The following RIPOR3 variants were observed in gnomAD, a reference collection of about 807,000 sequenced individuals.
The protein encoded by RIPOR3 is family with sequence similarity 65 member C.
RIPOR3 carries 95 observed loss-of-function variants against 114.3 expected under a neutral mutation model. The ratio of observed to expected loss-of-function variants is 0.83; its 90% confidence interval spans 0.70 to 0.99. The LOEUF is 0.99. Ranked by LOEUF, RIPOR3 falls within the 50% of genes least tolerant of loss-of-function variation. The pLI is 0.00. For missense variants in RIPOR3, 1,252 were observed against 1,266.9 expected (o/e 0.99, Z 0.18); for synonymous variants, 575 against 543.8 (o/e 1.06, Z -0.80).
At chr20:50,610,793 T>C in intron 6 of RIPOR3, 60 bp downstream of exon 6, 1 of 1,611,134 alleles carries the variant, frequency 6.2e-7, no homozygotes. Context: ...CTAACCTAGC[T>C]GAGGCCCAGC....
In RIPOR3 at chr20:50,636,559, CAG is replaced by C. The variant is rs1340122909; in HGVS notation, c.4-5705_4-5704del. On this transcript the variant is annotated intron_variant, in intron 1 of 21. Transcript: ENST00000327979. ...GGCCCCAGGGCAGAGAAGGGAGGCA[CAG>C]AGTCATGCAGTTCCCAAACCTTTGG... The C allele has an allele frequency of 1.7e-5, 17 of 985,524 alleles. No homozygotes were observed. In the African/African-American group the frequency reaches 2.8e-4, roughly 16 times the overall value. 61.0% of individuals were successfully genotyped at this position (985,524 alleles called of 1,614,324 possible).
At chr20:50,592,160 T>C (rs978902536) in intron 19 of RIPOR3, among the ~76,000 whole-genome samples, 184 bp downstream of exon 19, 1 of 152,222 alleles carries the variant, frequency 6.6e-6, no homozygotes, top group African/African-American at 2.4e-5. Flanking sequence ...AACAGATGTG[T>C]TGCTTTGGAA....
In RIPOR3 at chr20:50,587,042, T is replaced by C; in HGVS notation, c.*190A>G. 1 of 584,286 alleles carries C rather than the reference T, an allele frequency of 1.7e-6. No individual in the cohort carries two copies. The highest frequency in any genetic ancestry group is 3.1e-6 in the Non-Finnish European group (1 of 327,530). 36.2% of individuals were successfully genotyped at this position (584,286 alleles called of 1,614,324 possible). A position where few individuals can be genotyped will look rare whatever the true frequency, so the allele number is the denominator to read the frequency against. On this transcript the variant is annotated 3_prime_UTR_variant, in exon 22 of 22. Coordinates refer to ENST00000327979, the MANE Select transcript of RIPOR3 (RefSeq NM_001290268.2). ...GAATGCTGTACCTTTGCCTTGCTTTTTTCTGCCTCTGTACAAAAGACCAGC... is the reference window on the plus strand; with the variant it reads ...GAATGCTGTACCTTTGCCTTGCTTTCTTCTGCCTCTGTACAAAAGACCAGC...
rs2083864981 is a variant in RIPOR3 at position 50,609,468 on chromosome 20, C to A, written c.576+105G>T. 7 of 1,477,654 alleles carry A rather than the reference C, an allele frequency of 4.7e-6. No individual in the cohort carries two copies. The South Asian group carries it at 8.1e-5, about 17-fold the overall frequency. 91.5% of individuals were successfully genotyped at this position (1,477,654 alleles called of 1,614,324 possible). A position where few individuals can be genotyped will look rare whatever the true frequency, so the allele number is the denominator to read the frequency against. ...CAGGCAGAGAGACGCCTCCTTGGGGCCCAGAACACCTCCTCCAGCCCCCAC... is the reference window on the plus strand; with the variant it reads ...CAGGCAGAGAGACGCCTCCTTGGGGACCAGAACACCTCCTCCAGCCCCCAC... On this transcript the variant is annotated intron_variant, in intron 7 of 21. Transcript: ENST00000327979.
At chr20:50,670,379 C>A (rs975833656) in intron 1 of RIPOR3, among the ~76,000 whole-genome samples, 3 of 138,550 alleles carry the variant, frequency 2.2e-5, no homozygotes, top group Middle Eastern at 3.3e-3. Flanking sequence ...CCCCACCCAC[C>A]CACCCAGTGC....
chr20:50,687,575 C>CCA (rs2087071535), intron 1 of RIPOR3, among the ~76,000 whole-genome samples: 1 of 152,138 alleles, frequency 6.6e-6, no homozygotes, highest in South Asian at 2.1e-4. Context: ...ATTTGCATAT[C>CCA]CACACACACA....
chr20:50,588,494 C>T (rs1292564462), intron 20 of RIPOR3, among the ~76,000 whole-genome samples: 3 of 152,176 alleles, frequency 2.0e-5, no homozygotes, highest in Non-Finnish European at 4.4e-5. Context: ...AGCGGGCATC[C>T]CCTCACATCC....
intron 1 of RIPOR3, among the ~76,000 whole-genome samples, chr20:50,681,941 C>T (rs2123611473): frequency 6.6e-6 from 1 of 152,336 alleles, no homozygotes; most frequent in East Asian, 1.9e-4. Context: ...CAGTCAAGAT[C>T]TAGGGCAAAT....
intron 3 of RIPOR3, among the ~76,000 whole-genome samples, chr20:50,618,471 G>A (rs980078798): frequency 1.9e-4 from 29 of 152,078 alleles, no homozygotes; most frequent in African/African-American, 6.5e-4. Context: ...CTGCGCCCCA[G>A]GGCCTTTGTG....
At chr20:50,611,258 C>T (rs2083968932) in intron 4 of RIPOR3, 54 bp from the exon 5 acceptor site, 4 of 1,612,916 alleles carry the variant, frequency 2.5e-6, no homozygotes, top group Non-Finnish European at 3.4e-6. Context: ...ACATGTTCCT[C>T]CAAGGCCTAT....
At position 50,596,231 on chromosome 20, in the gene RIPOR3, A is replaced by G; in HGVS notation, c.1823T>C (p.Leu608Pro). 2.5e-6 allele frequency: 4 copies of G among 1,614,176 alleles called. No individual in the cohort carries two copies. Among genetic ancestry groups the G allele is most frequent in the Non-Finnish European group, 3.4e-6 (4 of 1,180,032 alleles). ...KDRPLPPPSSLKASSRELTAG... is the reference protein window; with the variant it reads ...KDRPLPPPSSPKASSRELTAG... Reference sequence around the variant, plus strand: ...TGTGAGTTCCCTGGATGACGCTTTCAGTGATGACGGTGGGGGCAGGGGCCG... The same window carrying G: ...TGTGAGTTCCCTGGATGACGCTTTCGGTGATGACGGTGGGGGCAGGGGCCG... Residue 608 changes from leucine (L) to proline (P), a missense_variant, in exon 15 of 22, where the codon CTG becomes CCG. Leu to Pro is a moderately conservative substitution (Grantham distance 98). Transcript: ENST00000327979.
Position 50,602,057 on chromosome 20 carries a change from G to A in RIPOR3, c.1659+15C>T, listed in dbSNP as rs1272171174. 10 of 1,499,766 alleles carry A rather than the reference G, an allele frequency of 6.7e-6. No homozygotes were observed. The highest frequency in any genetic ancestry group is 8.0e-6 in the Non-Finnish European group (9 of 1,126,514). 92.9% of individuals were successfully genotyped at this position (1,499,766 alleles called of 1,614,324 possible). A position where few individuals can be genotyped will look rare whatever the true frequency, so the allele number is the denominator to read the frequency against. ...CAGCAAAGCAGGGCCACCGCCCGGGGCGGGGTGGCCATACCTTCAGCCGGT... is the reference window on the plus strand; with the variant it reads ...CAGCAAAGCAGGGCCACCGCCCGGGACGGGGTGGCCATACCTTCAGCCGGT... On this transcript the variant is annotated intron_variant, in intron 13 of 21. Transcript: ENST00000327979. The surrounding 1 kb of genome is among the most constrained non-coding windows in gnomAD (Gnocchi z 4.3).
intron 13 of RIPOR3, among the ~76,000 whole-genome samples, chr20:50,600,853 A>G (rs1012151057): frequency 6.6e-6 from 1 of 152,242 alleles, no homozygotes; most frequent in Non-Finnish European, 1.5e-5. Context: ...TAACAACCAT[A>G]GTAGTGGTAA....
intron 1 of RIPOR3, among the ~76,000 whole-genome samples, chr20:50,633,375 C>T (rs992843629): frequency 2.0e-5 from 3 of 152,358 alleles, no homozygotes; most frequent in East Asian, 3.9e-4. Flanking sequence ...AACGTATTTA[C>T]ACCACAGAAA....
At chr20:50,663,819 C>A (rs2123470118) in intron 1 of RIPOR3, among the ~76,000 whole-genome samples, 1 of 152,292 alleles carries the variant, frequency 6.6e-6, no homozygotes, top group African/African-American at 2.4e-5. Context: ...AAGGAAAACA[C>A]CTCACCTCTC....
chr20:50,635,894 A>G (rs552744489), intron 1 of RIPOR3, among the ~76,000 whole-genome samples: 1 of 152,340 alleles, frequency 6.6e-6, no homozygotes, highest in Admixed American at 6.5e-5. Context: ...CCAGCGGGGA[A>G]GAGGCCCCAG....
intron 15 of RIPOR3, 101 bp from the exon 16 acceptor site, chr20:50,595,605 C>A: frequency 6.7e-7 from 1 of 1,487,708 alleles, no homozygotes. Context: ...TCTCTTCTGT[C>A]CCGGGGGCAG....
chr20:50,683,323 G>A (rs2086918291), intron 1 of RIPOR3, among the ~76,000 whole-genome samples: 1 of 152,196 alleles, frequency 6.6e-6, no homozygotes, highest in Non-Finnish European at 1.5e-5. Context: ...GGGACCATGG[G>A]TTCACAGGCA....
intron 1 of RIPOR3, chr20:50,636,766 C>T: frequency 1.0e-6 from 1 of 985,526 alleles, no homozygotes; most frequent in African/African-American, 1.7e-5. Flanking sequence ...GAAGCAGAGT[C>T]TACTCCCGCT....
Sources: gnomAD v4.1 joint callset for allele counts (sites outside exome capture counted in the v4.1 genomes callset) on GRCh38, gnomAD v4.1.1 for gene constraint, Gnocchi (gnomAD v3.1) non-coding constraint, MANE v1.5 for transcripts, NCBI Gene and HGNC (gene_info 2026-07-23, HGNC 2026-07-21) for gene names.